TMEM114: variants seen among roughly 807,000 people sequenced by gnomAD.
TMEM114 encodes the protein claudin-26.
A neutral mutation model predicts 6.2 loss-of-function variants in TMEM114; 6 were observed. That is an observed-to-expected ratio of 0.97 (90% CI 0.53 to 1.91). The LOEUF (loss-of-function observed/expected upper bound fraction) is 1.91, where lower values mean the gene tolerates loss of function less well. Ranked by LOEUF, TMEM114 falls within the 40% of genes most tolerant of loss-of-function variation. The pLI, the probability that TMEM114 is intolerant of heterozygous loss-of-function variation, is 0.01. For synonymous variants in TMEM114, 104 were observed against 73.0 expected (o/e 1.42, Z -2.16); for missense variants, 218 against 158.3 (o/e 1.38, Z -2.02).
At chr16:8,554,026 G>T (rs1463111306) in intron 2 of TMEM114, among the ~76,000 whole-genome samples, 1 of 152,002 alleles carries the variant, frequency 6.6e-6, no homozygotes, top group Non-Finnish European at 1.5e-5. Context: ...TTACAGGCAT[G>T]CGCCACCACA....
downstream of TMEM114, among the ~76,000 whole-genome samples, chr16:8,568,751 C>G (rs1901626707): frequency 6.6e-6 from 1 of 152,194 alleles, no homozygotes; most frequent in South Asian, 2.1e-4. Context: ...AGAATCTCAG[C>G]CATGGTTTTG....
At chr16:8,578,679 T>C (rs1298715913) in intron 2 of TMEM114, among the ~76,000 whole-genome samples, 2 of 152,136 alleles carry the variant, frequency 1.3e-5, no homozygotes, top group Non-Finnish European at 2.9e-5. Context: ...ACGGAATTAC[T>C]AGTAATATTA....
intron 2 of TMEM114, among the ~76,000 whole-genome samples, chr16:8,561,865 GGAATGAGTGAGTGAATGAGTGAGT>G (rs201719638): frequency 0.034 from 4,526 of 132,806 alleles, 30 homozygotes; most frequent in South Asian, 0.12. Flanking sequence ...AGTGAGTGAG[GGAATGAGTGAGTGAATGAGTGAGT>G]GAATGAGTAA....
chr16:8,528,047 C>T, the TMEM114 span, among the ~76,000 whole-genome samples: 2 of 152,096 alleles, frequency 1.3e-5, no homozygotes, highest in Admixed American at 6.5e-5. Context: ...TAGCTGGGAT[C>T]ACAGGCATGT....
chr16:8,557,844 A>G (rs948743998), intron 2 of TMEM114, among the ~76,000 whole-genome samples: 1 of 152,232 alleles, frequency 6.6e-6, no homozygotes, highest in Non-Finnish European at 1.5e-5. Flanking sequence ...CTTTAAAATA[A>G]TCTTGTGATA....
At chr16:8,570,279 C>G (rs935629415) in intron 3 of TMEM114, among the ~76,000 whole-genome samples, 3 of 152,044 alleles carry the variant, frequency 2.0e-5, no homozygotes, top group Admixed American at 1.3e-4. Context: ...ATACAGCTGC[C>G]CATCACTGCC....
intron 2 of TMEM114, among the ~76,000 whole-genome samples, chr16:8,560,244 T>C (rs1250606267): frequency 6.6e-6 from 1 of 152,018 alleles, no homozygotes; most frequent in East Asian, 1.9e-4. Flanking sequence ...GCGATCCTCC[T>C]GTCTTGGCCT....
In TMEM114 at chr16:8,569,553, G is replaced by A. The variant is rs1901652841; in HGVS notation, c.*220C>T. ...GCGAAGCGGTTTGGCACTCCCTCGG[G>A]CTCCTCCAGGCCACACGGACACACA... On this transcript the variant is annotated 3_prime_UTR_variant, in exon 4 of 4. Transcript: ENST00000620492. 5.7e-6 allele frequency: 8 copies of A among 1,409,352 alleles called. No homozygotes were observed. In the South Asian group the frequency reaches 1.3e-4, roughly 23 times the overall value. 87.3% of individuals were successfully genotyped at this position (1,409,352 alleles called of 1,614,324 possible). A position where few individuals can be genotyped will look rare whatever the true frequency, so the allele number is the denominator to read the frequency against.
At chr16:8,570,852 C>T (rs1313214626) in intron 3 of TMEM114, among the ~76,000 whole-genome samples, 2 of 152,178 alleles carry the variant, frequency 1.3e-5, no homozygotes, top group South Asian at 2.1e-4. Flanking sequence ...AAGTTAACAG[C>T]TCAGTCCCCC....
intron 2 of TMEM114, among the ~76,000 whole-genome samples, chr16:8,574,235 G>T (rs911110525): frequency 1.3e-5 from 2 of 152,150 alleles, no homozygotes; most frequent in African/African-American, 4.8e-5. Flanking sequence ...TGAAATGGAG[G>T]TAAAAGTATA....
intron 2 of TMEM114, among the ~76,000 whole-genome samples, chr16:8,561,560 C>A (rs145158209): frequency 2.0e-5 from 3 of 152,224 alleles, no homozygotes; most frequent in African/African-American, 7.2e-5. Flanking sequence ...CCTGGCACAT[C>A]AGGCATCAAA....
the TMEM114 span, among the ~76,000 whole-genome samples, chr16:8,530,034 A>C: frequency 2.0e-5 from 3 of 152,156 alleles, no homozygotes; most frequent in African/African-American, 7.2e-5. Context: ...CTGAAATTTT[A>C]CTCCATACCA....
At chr16:8,570,438 TCTC>T (rs528876435) in intron 3 of TMEM114, among the ~76,000 whole-genome samples, 81 of 152,220 alleles carry the variant, frequency 5.3e-4, no homozygotes, top group African/African-American at 1.9e-3. Flanking sequence ...TTCAAGCTAT[TCTC>T]CTGCCTCAGC....
At chr16:8,553,804 A>G (rs987821364) in intron 2 of TMEM114, among the ~76,000 whole-genome samples, 2 of 151,648 alleles carry the variant, frequency 1.3e-5, no homozygotes, top group African/African-American at 4.8e-5. Context: ...CAAGTTCATT[A>G]TCTTCCCACC....
chr16:8,542,766 G>T (rs1012176072), intron 2 of TMEM114, among the ~76,000 whole-genome samples: 1 of 152,000 alleles, frequency 6.6e-6, no homozygotes, highest in African/African-American at 2.4e-5. Flanking sequence ...TGAGGGAACT[G>T]GGATATTTCC....
chr16:8,565,665 A>T (rs536432990), downstream of TMEM114, among the ~76,000 whole-genome samples: 1 of 152,150 alleles, frequency 6.6e-6, no homozygotes, highest in African/African-American at 2.4e-5. Context: ...CCCTCCCTGT[A>T]CTTCCTGCAA....
chr16:8,557,831 G>C (rs964405126), intron 2 of TMEM114, among the ~76,000 whole-genome samples: 4 of 152,186 alleles, frequency 2.6e-5, no homozygotes, highest in African/African-American at 7.2e-5. Context: ...TTAACACTTT[G>C]ATCTTTAAAA....
chr16:8,531,298 T>C, the TMEM114 span, among the ~76,000 whole-genome samples: 1 of 152,242 alleles, frequency 6.6e-6, no homozygotes, highest in Non-Finnish European at 1.5e-5. Flanking sequence ...CAAAATATAA[T>C]TTGCATTGCA....
At chr16:8,542,142 T>TTG (rs1555461288) in intron 2 of TMEM114, among the ~76,000 whole-genome samples, 2 of 150,128 alleles carry the variant, frequency 1.3e-5, no homozygotes, top group African/African-American at 2.5e-5. Flanking sequence ...GGATGATTCG[T>TTG]GGGGGGGGGT....
Sources: allele counts gnomAD v4.1 joint callset (sites outside exome capture counted in the v4.1 genomes callset), GRCh38; gene constraint gnomAD v4.1.1; transcripts MANE v1.5; gene names NCBI Gene and HGNC (gene_info 2026-07-23, HGNC 2026-07-21).